The following ACSF3 variants were observed in gnomAD, a reference collection of about 807,000 sequenced individuals.
The protein encoded by ACSF3 is malonate--CoA ligase ACSF3, mitochondrial.
Under a neutral mutation model 53.2 loss-of-function variants are expected in ACSF3, and 78 were observed. That is an observed-to-expected ratio of 1.47 (90% CI 1.22 to 1.77). The LOEUF is 1.77. Ranked by LOEUF, ACSF3 falls within the 40% of genes most tolerant of loss-of-function variation. The pLI is 0.00. For synonymous variants in ACSF3, 414 were observed against 333.1 expected, an observed-to-expected ratio of 1.24 and a Z score of -2.65; for missense variants, 937 against 771.1, an observed-to-expected ratio of 1.22 and a Z score of -2.55.
At position 89,146,056 on chromosome 16, in the gene ACSF3, C is replaced by A; in HGVS notation, c.1613+7C>A. ...AGCTCAAAGAGTGGGCCAGGTAGGGCTGGGTGGGGCGGGCAGGGAGCACTC... is the reference window on the plus strand; with the variant it reads ...AGCTCAAAGAGTGGGCCAGGTAGGGATGGGTGGGGCGGGCAGGGAGCACTC... On this transcript the variant is annotated splice_region_variant and intron_variant, in intron 10 of 10. Transcript: ENST00000614302. 4.1e-6 allele frequency: 2 copies of A among 489,652 alleles called. No homozygotes were observed. The highest frequency in any genetic ancestry group is 8.4e-6 in the Non-Finnish European group (2 of 238,394). 30.3% of individuals were successfully genotyped at this position (489,652 alleles called of 1,614,324 possible). A position where few individuals can be genotyped will look rare whatever the true frequency, so the allele number is the denominator to read the frequency against.
In ACSF3 at chr16:89,125,670, A is replaced by C. The variant is rs149833160; in HGVS notation, c.1239+4757A>C. On this transcript the variant is annotated intron_variant, in intron 7 of 10. Coordinates refer to ENST00000614302, the MANE Select transcript of ACSF3 (RefSeq NM_001243279.3). ...TGCACCACTGCACTCCAGCCTGGGC[A>C]ACAGAGTGAGACTGCCTCAAAAAAA... Among the ~76,000 whole-genome samples the C allele has an allele frequency of 1.5e-4, 22 of 150,280 alleles. No individual in the cohort carries two copies. The East Asian group carries it at 4.3e-3, about 29-fold the overall frequency.
At chr16:89,134,296 G>A (rs1391358906) in intron 8 of ACSF3, among the ~76,000 whole-genome samples, 5 of 152,178 alleles carry the variant, frequency 3.3e-5, no homozygotes, top group African/African-American at 1.2e-4. Context: ...TCTATTAGAA[G>A]CCGTGGGCCA....
intron 7 of ACSF3, 43 bp from the exon 8 acceptor site, chr16:89,133,093 G>C (rs759209996): frequency 1.9e-6 from 3 of 1,612,234 alleles, no homozygotes; most frequent in South Asian, 2.2e-5. Flanking sequence ...AATCCCAAGA[G>C]GGTGTGCCCA....
At chr16:89,124,897 C>G (rs1421050579) in intron 7 of ACSF3, among the ~76,000 whole-genome samples, 1 of 152,260 alleles carries the variant, frequency 6.6e-6, no homozygotes, top group African/African-American at 2.4e-5. Context: ...TACAGGTTAT[C>G]TGTTCTGTTC....
chr16:89,153,988 C>A, intron 10 of ACSF3, 102 bp from the exon 11 acceptor site: 1 of 1,252,060 alleles, frequency 8.0e-7, no homozygotes, highest in Non-Finnish European at 1.1e-6. Context: ...CCTGGCAAGG[C>A]TGCAGGGTCC....
At chr16:89,120,707 C>A in intron 6 of ACSF3, 94 bp from the exon 7 acceptor site, 3 of 1,231,744 alleles carry the variant, frequency 2.4e-6, no homozygotes, top group Non-Finnish European at 3.6e-6. Context: ...ACGTGGCACA[C>A]GGGAGCTCAG....
At chr16:89,105,034 C>T (rs12446096) in intron 4 of ACSF3, among the ~76,000 whole-genome samples, 5,520 of 30,014 alleles carry the variant, frequency 0.18, 192 homozygotes, top group Non-Finnish European at 0.22. Flanking sequence ...ACAGAGCCTC[C>T]CTGAGGGCCC....
At chr16:89,099,073 G>A (rs1024412238) in intron 2 of ACSF3, among the ~76,000 whole-genome samples, 1 of 152,262 alleles carries the variant, frequency 6.6e-6, no homozygotes, top group Non-Finnish European at 1.5e-5. Context: ...TATTCTTACT[G>A]TGAGTCGAGC....
intron 6 of ACSF3, among the ~76,000 whole-genome samples, chr16:89,119,602 AGG>A (rs938940322): frequency 2.0e-5 from 3 of 152,062 alleles, no homozygotes; most frequent in Non-Finnish European, 4.4e-5. Flanking sequence ...GATGGAAGAA[AGG>A]GGGCTGAAGC....
chr16:89,099,672 G>T (rs1469174272), intron 2 of ACSF3, among the ~76,000 whole-genome samples: 1 of 151,956 alleles, frequency 6.6e-6, no homozygotes, highest in African/African-American at 2.4e-5. Context: ...ATCCCAGCTA[G>T]TCAGGAGGCT....
At chr16:89,141,059 T>C in intron 8 of ACSF3, 1 of 1,268,270 alleles carries the variant, frequency 7.9e-7, no homozygotes, top group Non-Finnish European at 1.0e-6. Flanking sequence ...TTGACTTGCA[T>C]TTCACAGTGA....
rs767036317 is a variant in ACSF3, at chr16:89,154,171, C to A, written c.1695C>A (p.Asp565Glu). 2 of 1,613,640 alleles carry A rather than the reference C, an allele frequency of 1.2e-6. No individual in the cohort carries two copies. The highest frequency in any genetic ancestry group is 2.2e-5 in the South Asian group (2 of 90,914). ...EIPRNQMGKIDKKALIRHFHP... is the reference protein window; with the variant it reads ...EIPRNQMGKIEKKALIRHFHP... Reference sequence around the variant, plus strand: ...CGCGGAACCAGATGGGCAAGATTGACAAGAAGGCGCTCATCAGGCACTTCC... The same window carrying A: ...CGCGGAACCAGATGGGCAAGATTGAAAAGAAGGCGCTCATCAGGCACTTCC... Residue 565 changes from aspartate (D) to glutamate (E), a missense_variant, in exon 11 of 11, where the codon GAC becomes GAA. Asp to Glu is a conservative substitution (Grantham distance 45, BLOSUM62 2). Transcript: ENST00000614302.
At position 89,101,138 on chromosome 16, in the gene ACSF3, C is replaced by G. The variant is rs1389431439; in HGVS notation, c.457C>G (p.Leu153Val). 1 of 1,613,948 alleles carries G rather than the reference C, an allele frequency of 6.2e-7. No individual in the cohort carries two copies. The highest frequency in any genetic ancestry group is 8.5e-7 in the Non-Finnish European group (1 of 1,180,012). The change falls in exon 3 of 11, where the codon CTG becomes GTG. Residue 153 changes from leucine (L) to valine (V), a missense_variant. Physicochemically the swap from Leu to Val is conservative, Grantham distance 32 (BLOSUM62 1). Transcript: ENST00000614302. ...SSVVLASQEY[L>V]ELLSPVVRKL... ...TGTGGTCCTTGCCAGCCAGGAGTAC[C>G]TGGAGCTCCTGAGCCCGGTGGTCAG...
At chr16:89,096,012 T>G (rs1228917933) in intron 1 of ACSF3, among the ~76,000 whole-genome samples, 1 of 152,136 alleles carries the variant, frequency 6.6e-6, no homozygotes, top group Non-Finnish European at 1.5e-5. Flanking sequence ...AGTGCCTTAG[T>G]GGTCTGATCT....
chr16:89,118,559 G>A lies in ACSF3; in HGVS notation c.1127-2242G>A, dbSNP rs534082405. Among the ~76,000 whole-genome samples the A allele has an allele frequency of 9.1e-3, 621 of 68,168 alleles. 4 individuals carry two copies. The highest frequency in any genetic ancestry group is 0.024 in the African/African-American group (582 of 23,970). The allele number at this position is 68,168 out of a possible 152,430, so 44.7% of individuals were successfully genotyped here. ...GCTGCTCAGTGCACTGTCCGTGCTC[G>A]GAAGAGAGAGAAGCTGGGTGGAGGG... On this transcript the variant is annotated intron_variant, in intron 6 of 10. Coordinates refer to ENST00000614302, the MANE Select transcript of ACSF3 (RefSeq NM_001243279.3).
chr16:89,122,027 G>T (rs1906775661), intron 7 of ACSF3, among the ~76,000 whole-genome samples: 1 of 148,796 alleles, frequency 6.7e-6, no homozygotes, highest in Non-Finnish European at 1.5e-5. Context: ...GCCCTGAAGT[G>T]GGTATTCTGT....
chr16:89,127,381 G>C (rs915553682), intron 7 of ACSF3, among the ~76,000 whole-genome samples: 2 of 152,002 alleles, frequency 1.3e-5, no homozygotes, highest in Non-Finnish European at 2.9e-5. Context: ...TTTTGTGTGT[G>C]GGGGATAAGG....
chr16:89,138,756 G>A (rs1302105165), intron 8 of ACSF3, among the ~76,000 whole-genome samples: 1 of 152,264 alleles, frequency 6.6e-6, no homozygotes, highest in African/African-American at 2.4e-5. Flanking sequence ...CTTCTGTGCA[G>A]CCTGCAGGGC....
At chr16:89,122,216 C>T (rs1021005016) in intron 7 of ACSF3, among the ~76,000 whole-genome samples, 4 of 140,402 alleles carry the variant, frequency 2.8e-5, no homozygotes, top group African/African-American at 7.6e-5. Flanking sequence ...CTGCAGTGGC[C>T]GCACCTTGTG....
Sources: allele counts gnomAD v4.1 joint callset (sites outside exome capture counted in the v4.1 genomes callset), GRCh38; gene constraint gnomAD v4.1.1; transcripts MANE v1.5; gene names NCBI Gene and HGNC (gene_info 2026-07-23, HGNC 2026-07-21).